SORCS1: variants seen among roughly 807,000 people sequenced by gnomAD.
The protein encoded by SORCS1 is sortilin related VPS10 domain containing receptor 1, also known as VPS10 domain-containing receptor SorCS1.
SORCS1 carries 60 observed loss-of-function variants against 146.1 expected under a neutral mutation model. The observed-to-expected ratio is 0.41, with a 90% CI of 0.33 to 0.51. The LOEUF (loss-of-function observed/expected upper bound fraction) is 0.51, where lower values mean the gene tolerates loss of function less well. SORCS1 is among the 20% of genes least tolerant of loss of function. The pLI, the probability that SORCS1 is intolerant of heterozygous loss-of-function variation, is 0.21. For missense variants in SORCS1, 1,352 were observed against 1,487.6 expected, an observed-to-expected ratio of 0.91 and a Z score of 1.50; for synonymous variants, 637 against 584.0, an observed-to-expected ratio of 1.09 and a Z score of -1.31.
chr10:106,674,328 C>CAAAAAAA (rs10658432), intron 14 of SORCS1, among the ~76,000 whole-genome samples: 704 of 27,358 alleles, frequency 0.026, 263 homozygotes, highest in African/African-American at 0.13. Flanking sequence ...GACTCCGTCT[C>CAAAAAAA]AAAAAAAAAA....
chr10:106,631,042 G>A (rs551303059), intron 18 of SORCS1, among the ~76,000 whole-genome samples: 39 of 152,222 alleles, frequency 2.6e-4, no homozygotes, highest in South Asian at 1.2e-3. Context: ...ATGTATTTTC[G>A]ATTAAGTAAG....
intron 9 of SORCS1, among the ~76,000 whole-genome samples, chr10:106,698,957 A>C (rs371402483): frequency 5.9e-5 from 9 of 152,322 alleles, no homozygotes; most frequent in East Asian, 5.8e-4. Context: ...CTGCCTCCCC[A>C]GACATTCCGC....
At chr10:106,916,742 C>T (rs1952453322) in intron 2 of SORCS1, among the ~76,000 whole-genome samples, 1 of 151,538 alleles carries the variant, frequency 6.6e-6, no homozygotes, top group African/African-American at 2.4e-5. Flanking sequence ...AGAGGGTTTA[C>T]TTTCCAATTT....
At chr10:107,040,285 C>A (rs879730557) in intron 1 of SORCS1, among the ~76,000 whole-genome samples, 3 of 152,024 alleles carry the variant, frequency 2.0e-5, no homozygotes, top group Non-Finnish European at 2.9e-5. Flanking sequence ...ATGTTAATTT[C>A]TCTGGGGGCT....
chr10:106,606,274 TACACACACAC>T lies in SORCS1; in HGVS notation c.3165+882_3165+891del, dbSNP rs6144077. ...AATCACACAAATACACACACAGATA[TACACACACAC>T]ACACACACACACACACACACACACA... On this transcript the variant is annotated intron_variant, in intron 23 of 25. Transcript: ENST00000263054. Among the ~76,000 whole-genome samples the T allele has an allele frequency of 9.1e-3, 1,268 of 139,058 alleles. 11 individuals carry two copies. The highest frequency in any genetic ancestry group is 0.017 in the African/African-American group (559 of 33,200). The allele number at this position is 139,058 out of a possible 152,430, so 91.2% of individuals were successfully genotyped here. A position where few individuals can be genotyped will look rare whatever the true frequency, so the allele number is the denominator to read the frequency against.
At chr10:107,171,514 CTTTTT>C in the SORCS1 span, among the ~76,000 whole-genome samples, 2 of 117,270 alleles carry the variant, frequency 1.7e-5, no homozygotes, top group African/African-American at 6.4e-5. Context: ...GGGAATCCCC[CTTTTT>C]TTTTTTTTTT....
At chr10:107,056,875 T>C (rs1299727617) in intron 1 of SORCS1, among the ~76,000 whole-genome samples, 1 of 152,192 alleles carries the variant, frequency 6.6e-6, no homozygotes, top group Non-Finnish European at 1.5e-5. Flanking sequence ...GGCCAGGTAA[T>C]GGATATATTT....
intron 3 of SORCS1, among the ~76,000 whole-genome samples, chr10:106,801,524 A>ATTTTTTT (rs34849434): frequency 1.8e-5 from 2 of 113,842 alleles, no homozygotes; most frequent in African/African-American, 3.5e-5. Flanking sequence ...TAGTATAGCC[A>ATTTTTTT]TTTTTTTTTT....
intron 1 of SORCS1, among the ~76,000 whole-genome samples, chr10:106,966,493 A>T (rs1178168802): frequency 2.6e-5 from 4 of 152,190 alleles, no homozygotes; most frequent in Non-Finnish European, 5.9e-5. Flanking sequence ...ATTTAATGTC[A>T]TGTTTATTTA....
intron 9 of SORCS1, among the ~76,000 whole-genome samples, chr10:106,695,467 T>C (rs1853626964): frequency 6.6e-6 from 1 of 152,214 alleles, no homozygotes; most frequent in Non-Finnish European, 1.5e-5. Context: ...TGTGACAGTC[T>C]ATAGTTGAGA....
intron 6 of SORCS1, among the ~76,000 whole-genome samples, chr10:106,710,038 C>A (rs1854856760): frequency 6.6e-6 from 1 of 152,110 alleles, no homozygotes; most frequent in Admixed American, 6.5e-5. Flanking sequence ...ACACTTTGAT[C>A]TTTGACAAAG....
rs373407823 is a variant in SORCS1 at position 107,110,298 on chromosome 10, T to C, written c.558+53671A>G. 3.0e-3 allele frequency among the ~76,000 whole-genome samples: 454 copies of C among 152,334 alleles called. 5 individuals are homozygous for C. The South Asian group carries it at 0.036, about 12-fold the overall frequency. On this transcript the variant is annotated intron_variant, in intron 1 of 25. Transcript: ENST00000263054. The stretch of plus-strand genomic sequence containing the variant: ...GATTTTCTATATTAGGCCATTCTTA[T>C]ATTGCTATAAAGAAATACCTAAGAC...
chr10:106,726,613 G>C (rs1455006660), intron 6 of SORCS1, among the ~76,000 whole-genome samples: 1 of 152,070 alleles, frequency 6.6e-6, no homozygotes, highest in Non-Finnish European at 1.5e-5. Flanking sequence ...ATGCCCAAAA[G>C]CTTGAAAATG....
chr10:106,777,802 C>T (rs1860565951), intron 3 of SORCS1, among the ~76,000 whole-genome samples: 3 of 152,278 alleles, frequency 2.0e-5, no homozygotes, highest in African/African-American at 7.2e-5. Context: ...AAAGTGTGCA[C>T]CTAATGTCTC....
chr10:106,705,776 T>C (rs558888656), intron 8 of SORCS1, among the ~76,000 whole-genome samples: 4 of 152,296 alleles, frequency 2.6e-5, no homozygotes, highest in Non-Finnish European at 5.9e-5. Context: ...TGGCGCTCCA[T>C]ATTAACGCAG....
At chr10:106,800,624 C>T (rs1287431663) in intron 3 of SORCS1, among the ~76,000 whole-genome samples, 1 of 150,990 alleles carries the variant, frequency 6.6e-6, no homozygotes, top group East Asian at 2.0e-4. Context: ...CGGGTTCATG[C>T]CATTCCCCTA....
intron 1 of SORCS1, among the ~76,000 whole-genome samples, chr10:107,065,466 CCCTCT>C (rs61458526): frequency 0.018 from 1,088 of 58,948 alleles, 42 homozygotes; most frequent in African/African-American, 0.04. Flanking sequence ...CTTTCTCTCT[CCCTCT>C]CCTCTCCTCT....
At chr10:106,921,972 A>G (rs10786981) in intron 2 of SORCS1, among the ~76,000 whole-genome samples, 79,681 of 152,128 alleles carry the variant, frequency 0.52, 22,466 homozygotes, top group Non-Finnish European at 0.63. Flanking sequence ...ATCTCATACC[A>G]AGTTGAGAAA....
intron 8 of SORCS1, among the ~76,000 whole-genome samples, chr10:106,703,926 C>T (rs905764994): frequency 2.0e-5 from 3 of 152,342 alleles, no homozygotes; most frequent in African/African-American, 7.2e-5. Flanking sequence ...AAATTAATCA[C>T]TGCATTCTAC....
Sources: allele counts gnomAD v4.1 joint callset (sites outside exome capture counted in the v4.1 genomes callset), GRCh38; gene constraint gnomAD v4.1.1; transcripts MANE v1.5; gene names NCBI Gene and HGNC (gene_info 2026-07-23, HGNC 2026-07-21).